The following SCD variants were observed in gnomAD, a reference collection of about 807,000 sequenced individuals.
SCD encodes stearoyl-CoA desaturase, also known as acyl-CoA desaturase.
A neutral mutation model predicts 35.7 loss-of-function variants in SCD; 4 were observed. That is an observed-to-expected ratio of 0.11 (90% confidence interval 0.06 to 0.26). The LOEUF is 0.26. Among genes scored for constraint, SCD ranks in the 10% least tolerant of loss-of-function variants. SCD has a pLI of 1.00. For missense variants in SCD, 282 were observed against 460.7 expected (o/e 0.61, Z 3.55); for synonymous variants, 150 against 170.2 (o/e 0.88, Z 0.92).
Position 100,363,976 on chromosome 10 carries a change from G to A in SCD, c.*3043G>A, listed in dbSNP as rs201258649. ...ACTGAAGTGGCTGGTAGAAAAAGGG[G>A]CCTGAGTGGAGGATTATCAGTATCA... On this transcript the variant is annotated 3_prime_UTR_variant, in exon 6 of 6. Coordinates refer to ENST00000370355, the MANE Select transcript of SCD (RefSeq NM_005063.5). 7 of 152,592 alleles carry A rather than the reference G, an allele frequency of 4.6e-5. No individual in the cohort carries two copies. Among genetic ancestry groups the A allele is most frequent in the Non-Finnish European group, 8.8e-5 (6 of 68,040 alleles). 9.5% of individuals were successfully genotyped at this position (152,592 alleles called of 1,614,324 possible). A position where few individuals can be genotyped will look rare whatever the true frequency, so the allele number is the denominator to read the frequency against.
Position 100,352,969 on chromosome 10 carries a change from C to G in SCD, c.441+473C>G, listed in dbSNP as rs1033186920. 7.7e-6 allele frequency among the ~76,000 whole-genome samples: 1 copy of G among 129,728 alleles called. No homozygotes were observed. Among genetic ancestry groups the G allele is most frequent in the South Asian group, 2.7e-4 (1 of 3,702 alleles). 85.1% of individuals were successfully genotyped at this position (129,728 alleles called of 152,430 possible). A position where few individuals can be genotyped will look rare whatever the true frequency, so the allele number is the denominator to read the frequency against. On this transcript the variant is annotated intron_variant, in intron 3 of 5. Transcript: ENST00000370355. The surrounding 1 kb of genome is among the most constrained non-coding windows in gnomAD (Gnocchi z 4.2). ...CACCACTGCACTCCAGCCTGGGTGACAAGACCCCAACTTTAAAAAAAAAAT... is the reference window on the plus strand; with the variant it reads ...CACCACTGCACTCCAGCCTGGGTGAGAAGACCCCAACTTTAAAAAAAAAAT...
At chr10:100,355,724 G>A (rs1454409430) in intron 4 of SCD, among the ~76,000 whole-genome samples, 1 of 152,148 alleles carries the variant, frequency 6.6e-6, no homozygotes, top group Non-Finnish European at 1.5e-5. Context: ...TGTCAGTGAT[G>A]TAAAAGTCAA....
chr10:100,352,472 C>T lies in SCD; in HGVS notation c.417C>T (p.Ile139=), dbSNP rs1849882553. The part of the protein sequence containing the change: ...KARLPLRLFL[I]IANTMAFQND... ...GGCTGCCCCTACGGCTCTTTCTGAT[C>T]ATTGCCAACACAATGGCATTCCAGG... The change falls in exon 3 of 6, where the codon ATC becomes ATT. Residue 139 remains isoleucine, a synonymous_variant. Transcript: ENST00000370355. The surrounding 1 kb of genome is among the most constrained non-coding windows in gnomAD (Gnocchi z 4.2). The T allele has an allele frequency of 5.6e-6, 9 of 1,614,042 alleles. No individual in the cohort carries two copies. In the South Asian group the frequency reaches 9.9e-5, roughly 18 times the overall value.
chr10:100,352,371 T>G lies in SCD; in HGVS notation c.316T>G (p.Phe106Val), dbSNP rs779077532. 3.1e-6 allele frequency: 5 copies of G among 1,613,620 alleles called. No homozygotes were observed. The East Asian group carries it at 1.1e-4, about 36-fold the overall frequency. Residue 106 changes from phenylalanine to valine, a missense_variant, in exon 3 of 6, where the codon TTC (phenylalanine) becomes GTC (valine). Coordinates refer to ENST00000370355, the MANE Select transcript of SCD (RefSeq NM_005063.5). This position sits in a 1 kb window ranked among gnomAD's most constrained non-coding sequence, Gnocchi z 4.2. ...CCACTGTCTTCTCCTGGCAGGGGTATTCTACTATTTTGTCAGTGCCCTGGG... is the reference window on the plus strand; with the variant it reads ...CCACTGTCTTCTCCTGGCAGGGGTAGTCTACTATTTTGTCAGTGCCCTGGG... The part of the protein sequence containing the change: ...CKFYTWLWGV[F>V]YYFVSALGIT...
intron 5 of SCD, among the ~76,000 whole-genome samples, chr10:100,358,617 AG>A (rs1270429896): frequency 6.7e-6 from 1 of 148,440 alleles, no homozygotes; most frequent in African/African-American, 2.5e-5. Flanking sequence ...AAAAAAAAAA[AG>A]ATTTATTTGT....
At chr10:100,347,878 T>C (rs1849817339) in intron 1 of SCD, among the ~76,000 whole-genome samples, 186 bp from the exon 2 acceptor site, 1 of 152,068 alleles carries the variant, frequency 6.6e-6, no homozygotes, top group Admixed American at 6.6e-5. Flanking sequence ...CCGCCCCTAA[T>C]GTATCTGTAC....
At position 100,348,196 on chromosome 10, in the gene SCD, A is replaced by G; in HGVS notation, c.160A>G (p.Ile54Val). 6.2e-7 allele frequency: 1 copy of G among 1,614,062 alleles called. No homozygotes were observed. The highest frequency in any genetic ancestry group is 8.5e-7 in the Non-Finnish European group (1 of 1,180,016). Reference sequence around the variant, plus strand: ...CATTCGCCCTGATATAAAAGATGATATATATGACCCCACCTACAAGGATAA... The same window carrying G: ...CATTCGCCCTGATATAAAAGATGATGTATATGACCCCACCTACAAGGATAA... ...DDIRPDIKDD[I>V]YDPTYKDKEG... is the part of the protein sequence containing the mutation. The change falls in exon 2 of 6, where the codon ATA becomes GTA. Residue 54 changes from isoleucine (I) to valine (V), a missense_variant. Ile to Val is a conservative substitution (Grantham distance 29). Transcript: ENST00000370355.
intron 2 of SCD, 119 bp downstream of exon 2, chr10:100,348,465 G>A (rs189409006): frequency 1.1e-4 from 113 of 1,041,970 alleles, no homozygotes; most frequent in Admixed American, 1.0e-3. Flanking sequence ...GTTTTTCTCA[G>A]GCATTTCTCT....
At position 100,354,486 on chromosome 10, in the gene SCD, T is replaced by C. The variant is rs1487032570; in HGVS notation, c.501T>C (p.His167=). Residue 167 remains histidine (H), a synonymous_variant, in exon 4 of 6, where the codon CAT becomes CAC. Coordinates refer to ENST00000370355, the MANE Select transcript of SCD (RefSeq NM_005063.5). ...HRAHHKFSET[H]ADPHNSRRGF... ...CCCACCACAAGTTTTCAGAAACACA[T>C]GCTGATCCTCATAATTCCCGACGTG... 8.7e-6 allele frequency: 14 copies of C among 1,614,032 alleles called. No individual in the cohort carries two copies. The highest frequency in any genetic ancestry group is 1.2e-5 in the Non-Finnish European group (14 of 1,179,894).
chr10:100,353,161 G>A (rs1168167371), intron 3 of SCD, among the ~76,000 whole-genome samples: 3 of 152,124 alleles, frequency 2.0e-5, no homozygotes, highest in East Asian at 1.9e-4. Flanking sequence ...AAAATCTTAG[G>A]AAATAGGTAC....
intron 4 of SCD, 92 bp downstream of exon 4, chr10:100,354,724 C>T: frequency 1.5e-5 from 15 of 1,020,072 alleles, no homozygotes; most frequent in Non-Finnish European, 2.2e-5. Context: ...AAAATATAAG[C>T]TGAGAAATTT....
intron 2 of SCD, among the ~76,000 whole-genome samples, chr10:100,351,428 G>T (rs1236633786): frequency 6.6e-6 from 1 of 152,168 alleles, no homozygotes; most frequent in Non-Finnish European, 1.5e-5. Flanking sequence ...GAGGTGGATG[G>T]TATAGCTGGA....
chr10:100,364,421 T>A lies in SCD; in HGVS notation c.*3488T>A, dbSNP rs1361656494. 6.6e-6 allele frequency: 1 copy of A among 152,622 alleles called. No individual in the cohort carries two copies. The highest frequency in any genetic ancestry group is 1.5e-5 in the Non-Finnish European group (1 of 68,052). 9.5% of individuals were successfully genotyped at this position (152,622 alleles called of 1,614,324 possible). On this transcript the variant is annotated 3_prime_UTR_variant, in exon 6 of 6. Transcript: ENST00000370355. Reference sequence around the variant, plus strand: ...TACCTCAAAGGGCAGTTTTGAGGCATGACTAATGCTTTTTAGAAAGCATTT... The same window carrying A: ...TACCTCAAAGGGCAGTTTTGAGGCAAGACTAATGCTTTTTAGAAAGCATTT...
At chr10:100,347,612 G>C in intron 1 of SCD, 81 bp downstream of exon 1, 1 of 1,520,986 alleles carries the variant, frequency 6.6e-7, no homozygotes, top group Non-Finnish European at 9.1e-7. Flanking sequence ...TGGCAGAAGA[G>C]AGGGGAGAGC....
At chr10:100,353,429 C>CA (rs1180388747) in intron 3 of SCD, among the ~76,000 whole-genome samples, 2 of 151,830 alleles carry the variant, frequency 1.3e-5, no homozygotes, top group African/African-American at 4.8e-5. Context: ...ACTAAAAATA[C>CA]AAAAAATTAG....
In SCD at chr10:100,350,944, A is replaced by T. The variant is rs543934970; in HGVS notation, c.311-1422A>T. Among the ~76,000 whole-genome samples the T allele has an allele frequency of 7.9e-5, 12 of 152,206 alleles. No individual in the cohort carries two copies. In the South Asian group the frequency reaches 2.5e-3, roughly 32 times the overall value. ...GACTGGCTCTGTGGCTCTCCTGGAG[A>T]TCTTATAGGAGGAATAGAAGAGAAG... is the stretch of plus-strand genomic sequence containing the variant. On this transcript the variant is annotated intron_variant, in intron 2 of 5. Transcript: ENST00000370355.
Position 100,354,568 on chromosome 10 carries a change from G to A in SCD, c.583G>A (p.Glu195Lys). ...LLVRKHPAVK[E>K]KGSTLDLSDL... ...TGTGCGCAAACACCCAGCTGTCAAA[G>A]AGAAGGGGAGTACGCTAGACTTGTC... The change falls in exon 4 of 6, where the codon GAG (glutamate) becomes AAG (lysine). Residue 195 changes from glutamate (E) to lysine (K), a missense_variant. By Grantham distance (56) the Glu-to-Lys change is moderately conservative. Coordinates refer to ENST00000370355, the MANE Select transcript of SCD (RefSeq NM_005063.5). 1 of 1,614,198 alleles carries A rather than the reference G, an allele frequency of 6.2e-7. No homozygotes were observed. Among genetic ancestry groups the A allele is most frequent in the South Asian group, 1.1e-5 (1 of 91,076 alleles).
At chr10:100,347,621 G>A (rs535416943) in intron 1 of SCD, 90 bp downstream of exon 1, 2 of 1,426,684 alleles carry the variant, frequency 1.4e-6, no homozygotes, top group Non-Finnish European at 2.0e-6. Context: ...AGAGGGGAGA[G>A]CTCCGCGGAG....
At chr10:100,353,056 G>A (rs1202611600) in intron 3 of SCD, among the ~76,000 whole-genome samples, 2 of 152,118 alleles carry the variant, frequency 1.3e-5, no homozygotes, top group Non-Finnish European at 2.9e-5. Flanking sequence ...TCCCAGACTC[G>A]TGAACTCTTA....
Sources: allele counts gnomAD v4.1 joint callset (sites outside exome capture counted in the v4.1 genomes callset), GRCh38; gene constraint gnomAD v4.1.1; non-coding constraint Gnocchi (gnomAD v3.1); transcripts MANE v1.5; gene names NCBI Gene and HGNC (gene_info 2026-07-23, HGNC 2026-07-21).